CSPP1: variants seen among roughly 807,000 people sequenced by gnomAD.
CSPP1 encodes the protein centrosome and spindle pole-associated protein 1.
In CSPP1, 126 loss-of-function variants were observed where a neutral mutation model predicts 164.4. The ratio of observed to expected loss-of-function variants is 0.77; its 90% CI spans 0.66 to 0.89. The LOEUF is 0.89. Among genes scored for constraint, CSPP1 ranks in the 40% least tolerant of loss-of-function variants. The probability of loss-of-function intolerance (pLI) is 0.00; values close to 1 mark genes in which losing one functional copy is unlikely to be tolerated. For synonymous variants in CSPP1, 472 were observed against 476.7 expected (o/e 0.99, Z 0.13); for missense variants, 1,395 against 1,449.8 (o/e 0.96, Z 0.61).
At chr8:67,138,703 C>A (rs2129555499) in intron 17 of CSPP1, among the ~76,000 whole-genome samples, 1 of 152,182 alleles carries the variant, frequency 6.6e-6, no homozygotes, top group Admixed American at 6.5e-5. Flanking sequence ...AGTTAGAATT[C>A]TCGTGTGTTG....
At chr8:67,090,690 G>T (rs1473926329) in intron 4 of CSPP1, among the ~76,000 whole-genome samples, 1 of 152,156 alleles carries the variant, frequency 6.6e-6, no homozygotes, top group African/African-American at 2.4e-5. Context: ...GCGGTTATTT[G>T]CTTACATGTC....
intron 15 of CSPP1, among the ~76,000 whole-genome samples, chr8:67,127,270 C>T (rs920673726): frequency 3.3e-5 from 5 of 152,152 alleles, no homozygotes; most frequent in Admixed American, 2.0e-4. Context: ...AAACAACAGA[C>T]ATTTTTTCTT....
chr8:67,093,034 A>T (rs1162130519), intron 5 of CSPP1, among the ~76,000 whole-genome samples: 1 of 152,158 alleles, frequency 6.6e-6, no homozygotes, highest in Non-Finnish European at 1.5e-5. Context: ...ATCTCTTTGG[A>T]AACATGCTAA....
chr8:67,081,869 CGACTAGCTAG>C (rs1448805657), intron 3 of CSPP1, among the ~76,000 whole-genome samples: 1 of 152,074 alleles, frequency 6.6e-6, no homozygotes, highest in Non-Finnish European at 1.5e-5. Flanking sequence ...CTCAACCTCT[CGACTAGCTAG>C]GACTACAGGC....
Position 67,177,797 on chromosome 8 carries a change from A to G in CSPP1, c.3156+71A>G, listed in dbSNP as rs1249256327. The G allele has an allele frequency of 5.8e-6, 6 of 1,042,606 alleles. No homozygotes were observed. The Admixed American group carries it at 7.0e-5, about 12-fold the overall frequency. 64.6% of individuals were successfully genotyped at this position (1,042,606 alleles called of 1,614,324 possible). A position where few individuals can be genotyped will look rare whatever the true frequency, so the allele number is the denominator to read the frequency against. On this transcript the variant is annotated intron_variant, in intron 27 of 30. Coordinates refer to ENST00000678616, the MANE Select transcript of CSPP1 (RefSeq NM_001382391.1). Reference sequence around the variant, plus strand: ...AAAATCTTTAGGCATATGATGATCAAGTAATTCAAATTTTGAATTATTCAG... The same window carrying G: ...AAAATCTTTAGGCATATGATGATCAGGTAATTCAAATTTTGAATTATTCAG...
At chr8:67,076,030 G>A (rs923932538) in intron 2 of CSPP1, among the ~76,000 whole-genome samples, 2 of 151,280 alleles carry the variant, frequency 1.3e-5, no homozygotes, top group Non-Finnish European at 2.9e-5. Context: ...AGTATCACCT[G>A]CTCAGTGAGG....
intron 29 of CSPP1, among the ~76,000 whole-genome samples, chr8:67,193,026 G>A (rs965483664): frequency 2.2e-4 from 34 of 152,312 alleles, no homozygotes; most frequent in African/African-American, 7.7e-4. Context: ...GCATGGATAA[G>A]CATAGGAGCC....
At chr8:67,108,574 C>T (rs977556809) in intron 9 of CSPP1, among the ~76,000 whole-genome samples, 1 of 152,124 alleles carries the variant, frequency 6.6e-6, no homozygotes, top group Non-Finnish European at 1.5e-5. Context: ...AGTGTTCCTG[C>T]ACTTTCCCCA....
chr8:67,153,368 T>C (rs376831607), intron 18 of CSPP1, among the ~76,000 whole-genome samples: 2 of 152,168 alleles, frequency 1.3e-5, no homozygotes, highest in South Asian at 4.1e-4. Flanking sequence ...ATTGCTTTTA[T>C]GAAATAATTT....
At chr8:67,171,534 T>C (rs757031370) in intron 24 of CSPP1, among the ~76,000 whole-genome samples, 27 of 151,974 alleles carry the variant, frequency 1.8e-4, no homozygotes, top group Non-Finnish European at 3.1e-4. Flanking sequence ...AGGCACACAC[T>C]ATCATGCTTG....
At chr8:67,098,986 T>C (rs987342705) in intron 7 of CSPP1, among the ~76,000 whole-genome samples, 4 of 151,780 alleles carry the variant, frequency 2.6e-5, no homozygotes, top group African/African-American at 9.6e-5. Flanking sequence ...AAGATTAACA[T>C]GTGTTCATTT....
chr8:67,129,449 G>A (rs1352417284), intron 15 of CSPP1, among the ~76,000 whole-genome samples: 1 of 152,138 alleles, frequency 6.6e-6, no homozygotes, highest in Non-Finnish European at 1.5e-5. Flanking sequence ...TATACAAAAA[G>A]CAGTTGCAGG....
intron 28 of CSPP1, among the ~76,000 whole-genome samples, chr8:67,190,224 TGGA>T (rs1228218504): frequency 3.3e-5 from 5 of 152,216 alleles, no homozygotes; most frequent in African/African-American, 1.2e-4. Context: ...ATCCATATGA[TGGA>T]GTATTATTCA....
At chr8:67,146,122 C>CTTTTT (rs939978795) in intron 17 of CSPP1, among the ~76,000 whole-genome samples, 10 of 125,122 alleles carry the variant, frequency 8.0e-5, no homozygotes, top group South Asian at 2.6e-4. Context: ...ATATACTTTT[C>CTTTTT]TTTTTTTTTT....
In CSPP1 at chr8:67,086,033, C is replaced by T; in HGVS notation, c.226C>T (p.Leu76Phe). ...AATTGATTATGGATTAAGTTTACCA[C>T]TTGGAGAAGACTATGAACGGAAGAA... ...LGIDYGLSLPLGEDYERKKHK... is the reference protein window; with the variant it reads ...LGIDYGLSLPFGEDYERKKHK... The change falls in exon 4 of 31, where the codon CTT (leucine) becomes TTT (phenylalanine). Residue 76 changes from leucine to phenylalanine, a missense_variant. Coordinates refer to ENST00000678616, the MANE Select transcript of CSPP1 (RefSeq NM_001382391.1). 1 of 1,485,640 alleles carries T rather than the reference C, an allele frequency of 6.7e-7. No individual in the cohort carries two copies. Among genetic ancestry groups the T allele is most frequent in the South Asian group, 1.1e-5 (1 of 88,358 alleles). The allele number at this position is 1,485,640 out of a possible 1,614,324, so 92.0% of individuals were successfully genotyped here. A position where few individuals can be genotyped will look rare whatever the true frequency, so the allele number is the denominator to read the frequency against.
intron 3 of CSPP1, among the ~76,000 whole-genome samples, chr8:67,080,407 T>A (rs918340821): frequency 2.0e-5 from 3 of 152,256 alleles, no homozygotes; most frequent in African/African-American, 7.2e-5. Flanking sequence ...TAGATACTGA[T>A]GATATTCATG....
chr8:67,104,102 C>T (rs1308051064), intron 8 of CSPP1, among the ~76,000 whole-genome samples: 1 of 151,988 alleles, frequency 6.6e-6, no homozygotes, highest in Non-Finnish European at 1.5e-5. Context: ...CTATAGTATA[C>T]AGTGAAGATA....
intron 7 of CSPP1, among the ~76,000 whole-genome samples, chr8:67,099,985 A>G (rs973666795): frequency 1.2e-4 from 18 of 152,120 alleles, no homozygotes; most frequent in African/African-American, 4.3e-4. Flanking sequence ...TAAAAAAGAT[A>G]AACAAATCAT....
rs1476520736 is a variant in CSPP1 at position 67,190,669 on chromosome 8, T to C, written c.3240T>C (p.Tyr1080=). Residue 1080 remains tyrosine (Y), a synonymous_variant, in exon 29 of 31, where the codon TAT becomes TAC. Transcript: ENST00000678616. ...SAFIGAYGET[Y]PAIEDDVLPP... ...TCTTAGGGGCTTACGGTGAGACATA[T>C]CCTGCCATTGAAGATGACGTCCTCC... The C allele has an allele frequency of 1.2e-6, 2 of 1,613,916 alleles. No individual in the cohort carries two copies. Among genetic ancestry groups the C allele is most frequent in the Non-Finnish European group, 1.7e-6 (2 of 1,179,940 alleles).
Sources: allele counts gnomAD v4.1 joint callset (sites outside exome capture counted in the v4.1 genomes callset), GRCh38; gene constraint gnomAD v4.1.1; transcripts MANE v1.5; gene names NCBI Gene and HGNC (gene_info 2026-07-23, HGNC 2026-07-21).